The following SNX29 variants were observed in gnomAD, a reference collection of about 807,000 sequenced individuals.
SNX29 encodes the protein sorting nexin-29.
In SNX29, 78 loss-of-function variants were observed where a neutral mutation model predicts 102.1. The observed-to-expected ratio is 0.76, with a 90% CI of 0.64 to 0.92. SNX29 has a LOEUF of 0.92. SNX29 is among the 40% of genes least tolerant of loss of function. The probability of loss-of-function intolerance (pLI) is 0.00; values close to 1 mark genes in which losing one functional copy is unlikely to be tolerated. For synonymous variants in SNX29, 580 were observed against 414.5 expected, an observed-to-expected ratio of 1.40 and a Z score of -4.85; for missense variants, 1,280 against 1,061.7, an observed-to-expected ratio of 1.21 and a Z score of -2.86.
chr16:11,994,414 G>A (rs182629329), intron 1 of SNX29, among the ~76,000 whole-genome samples: 16 of 152,320 alleles, frequency 1.1e-4, no homozygotes, highest in Admixed American at 5.9e-4. Flanking sequence ...GATCGCTCCT[G>A]TGTGGCAAAG....
intron 13 of SNX29, among the ~76,000 whole-genome samples, chr16:12,187,362 C>G (rs2076536570): frequency 6.6e-6 from 1 of 152,114 alleles, no homozygotes; most frequent in African/African-American, 2.4e-5. Context: ...GAGTTTCAGT[C>G]TGGCCAGCGG....
intron 13 of SNX29, among the ~76,000 whole-genome samples, chr16:12,188,056 G>A (rs2076554605): frequency 6.6e-6 from 1 of 152,176 alleles, no homozygotes; most frequent in Non-Finnish European, 1.5e-5. Flanking sequence ...ATTATTCCAA[G>A]TGTTTCCCTA....
At chr16:12,083,022 G>A (rs8062015) in intron 11 of SNX29, among the ~76,000 whole-genome samples, 33,105 of 151,926 alleles carry the variant, frequency 0.22, 3,798 homozygotes, top group South Asian at 0.31. Flanking sequence ...TTATTTTCTC[G>A]GCCGGGCACG....
chr16:12,563,392 A>G (rs773188699), intron 20 of SNX29, among the ~76,000 whole-genome samples: 1 of 152,226 alleles, frequency 6.6e-6, no homozygotes, highest in Non-Finnish European at 1.5e-5. Context: ...ACCCGTAACC[A>G]TGAAAATAGA....
chr16:12,020,176 G>A (rs972961762), intron 3 of SNX29, among the ~76,000 whole-genome samples: 4 of 151,130 alleles, frequency 2.6e-5, no homozygotes, highest in African/African-American at 7.3e-5. Context: ...ATGCTAAAGT[G>A]CAGTGGTGCG....
At chr16:12,454,977 A>T (rs2086472121) in intron 18 of SNX29, among the ~76,000 whole-genome samples, 1 of 152,110 alleles carries the variant, frequency 6.6e-6, no homozygotes. Context: ...CGAACTCCTG[A>T]CCTCAAGTGA....
At chr16:12,376,213 T>A (rs140428699) in intron 16 of SNX29, among the ~76,000 whole-genome samples, 121 of 152,190 alleles carry the variant, frequency 8.0e-4, no homozygotes, top group African/African-American at 2.8e-3. Flanking sequence ...CACAGGAATA[T>A]CACTGAAGAC....
At chr16:12,488,748 C>T (rs1439074897) in intron 19 of SNX29, among the ~76,000 whole-genome samples, 3 of 152,200 alleles carry the variant, frequency 2.0e-5, no homozygotes, top group Non-Finnish European at 4.4e-5. Flanking sequence ...CTGATACTTG[C>T]AGGAATTTCC....
chr16:12,084,311 A>G (rs1039039021), intron 11 of SNX29, among the ~76,000 whole-genome samples: 7 of 152,112 alleles, frequency 4.6e-5, no homozygotes, highest in Admixed American at 3.3e-4. Flanking sequence ...ACACCCAGCT[A>G]ATTTTTGTAC....
intron 15 of SNX29, among the ~76,000 whole-genome samples, chr16:12,294,814 G>A (rs1186988253): frequency 2.6e-5 from 4 of 152,110 alleles, no homozygotes; most frequent in Admixed American, 6.5e-5. Context: ...TGGAGCTCCC[G>A]GGAAGAGATG....
intron 16 of SNX29, chr16:12,375,708 G>C (rs1482249051): frequency 6.6e-6 from 1 of 152,212 alleles, no homozygotes; most frequent in Admixed American, 6.5e-5. Flanking sequence ...AACTAAATGG[G>C]AATCAGGGTG....
Position 12,003,136 on chromosome 16 carries a change from AAAGGCGGCAG to A in SNX29, c.122+102_122+111del, listed in dbSNP as rs1305246714. 1.8e-5 allele frequency: 28 copies of A among 1,524,194 alleles called. No homozygotes were observed. In the African/African-American group the frequency reaches 3.6e-4, roughly 19 times the overall value. 94.4% of individuals were successfully genotyped at this position (1,524,194 alleles called of 1,614,324 possible). On this transcript the variant is annotated intron_variant, in intron 3 of 20. Coordinates refer to ENST00000566228, the MANE Select transcript of SNX29 (RefSeq NM_032167.5). ...TAAAACCGTTGACCATCGAGGTTGG[AAAGGCGGCAG>A]AAGGCGGCTGGCTTCTGGGCTCTGC...
Position 12,076,069 on chromosome 16 carries a change from C to T in SNX29, c.1320-2764C>T, listed in dbSNP as rs891027979. Among the ~76,000 whole-genome samples, 5 of 152,228 alleles carry T rather than the reference C, an allele frequency of 3.3e-5. No individual in the cohort carries two copies. The South Asian group carries it at 1.0e-3, about 31-fold the overall frequency. On this transcript the variant is annotated intron_variant, in intron 10 of 20. Transcript: ENST00000566228. ...GCCCGATATTCCAGGTGCCGTCTGT[C>T]ACCCCTTTCCTTGAACAGGAAAGGG... is the stretch of plus-strand genomic sequence containing the variant.
chr16:12,392,377 C>T (rs981264580), intron 16 of SNX29, among the ~76,000 whole-genome samples: 1 of 152,190 alleles, frequency 6.6e-6, no homozygotes, highest in East Asian at 1.9e-4. Flanking sequence ...AAGTAGATGT[C>T]CATTCTTAGT....
At chr16:12,548,338 G>A (rs767626059) in intron 20 of SNX29, among the ~76,000 whole-genome samples, 2 of 152,218 alleles carry the variant, frequency 1.3e-5, no homozygotes, top group East Asian at 1.9e-4. Context: ...CCTCCATGGG[G>A]AATGACAGTG....
chr16:12,027,174 C>A (rs1567541599), intron 3 of SNX29, 146 bp from the exon 4 acceptor site: 2 of 918,490 alleles, frequency 2.2e-6, no homozygotes, highest in Non-Finnish European at 3.2e-6. Context: ...AGGTCAGTTA[C>A]CAAGCCTGCA....
chr16:12,186,609 C>G (rs1043336309), intron 13 of SNX29, among the ~76,000 whole-genome samples: 1 of 152,212 alleles, frequency 6.6e-6, no homozygotes, highest in African/African-American at 2.4e-5. Context: ...TGGCTAATCT[C>G]TCTGACTGAG....
At chr16:12,537,901 C>A (rs370362245) in intron 20 of SNX29, among the ~76,000 whole-genome samples, 1 of 151,290 alleles carries the variant, frequency 6.6e-6, no homozygotes, top group South Asian at 2.1e-4. Context: ...AGGAGAGTCA[C>A]TGGAACCCAG....
intron 3 of SNX29, among the ~76,000 whole-genome samples, chr16:12,016,138 T>TG (rs2056841657): frequency 6.6e-6 from 1 of 152,160 alleles, no homozygotes; most frequent in Non-Finnish European, 1.5e-5. Flanking sequence ...GTGCTGGGAT[T>TG]GCAGGTGGGA....
Sources: gnomAD v4.1 joint callset for allele counts (sites outside exome capture counted in the v4.1 genomes callset) on GRCh38, gnomAD v4.1.1 for gene constraint, MANE v1.5 for transcripts, NCBI Gene and HGNC (gene_info 2026-07-23, HGNC 2026-07-21) for gene names.